The following DICER1 variants were observed in gnomAD, a reference collection of about 807,000 sequenced individuals.
DICER1 encodes dicer 1, ribonuclease III.
In DICER1, 43 loss-of-function variants were observed where a neutral mutation model predicts 194.1. The observed-to-expected ratio is 0.22, with a 90% CI of 0.17 to 0.29. The LOEUF is 0.29. DICER1 is among the 10% of genes least tolerant of loss of function. The probability of loss-of-function intolerance (pLI) is 1.00; values close to 1 mark genes in which losing one functional copy is unlikely to be tolerated. For synonymous variants in DICER1, 832 were observed against 820.5 expected (o/e 1.01, Z -0.24); for missense variants, 1,608 against 2,317.0 (o/e 0.69, Z 6.28).
chr14:95,100,830 G>A (rs1250638412), intron 21 of DICER1, among the ~76,000 whole-genome samples: 2 of 152,300 alleles, frequency 1.3e-5, no homozygotes, highest in African/African-American at 2.4e-5. Flanking sequence ...CTGAGGGAAC[G>A]ATGGCAGCAG....
chr14:95,115,028 A>G lies in DICER1; in HGVS notation c.1907+639T>C, dbSNP rs535673256. On this transcript the variant is annotated intron_variant, in intron 11 of 26. Coordinates refer to ENST00000343455, the MANE Select transcript of DICER1 (RefSeq NM_177438.3). ...TGACTCTAAGGTAGATACTTTGGCT[A>G]CAAAGAACATTCTCATGAAACTGAA... Among the ~76,000 whole-genome samples the G allele has an allele frequency of 3.3e-5, 5 of 152,352 alleles. No individual in the cohort carries two copies. In the South Asian group the frequency reaches 8.3e-4, roughly 25 times the overall value.
At chr14:95,114,372 GATA>G (rs1892248891) in intron 11 of DICER1, among the ~76,000 whole-genome samples, 4 of 152,146 alleles carry the variant, frequency 2.6e-5, no homozygotes, top group South Asian at 2.1e-4. Flanking sequence ...AACAGTAAAT[GATA>G]ATGATAGATT....
At chr14:95,115,962 C>T in intron 10 of DICER1, 141 bp from the exon 11 acceptor site, 1 of 794,818 alleles carries the variant, frequency 1.3e-6, no homozygotes, top group East Asian at 2.7e-5. Context: ...AAGTAACCTG[C>T]TGCAGACACC....
intron 1 of DICER1, among the ~76,000 whole-genome samples, chr14:95,134,101 A>G (rs760462077): frequency 2.6e-5 from 4 of 152,176 alleles, no homozygotes; most frequent in Non-Finnish European, 5.9e-5. Context: ...AGATTTAGAC[A>G]CCTGCTAAAA....
intron 11 of DICER1, among the ~76,000 whole-genome samples, chr14:95,114,478 G>A (rs1021526606): frequency 2.6e-5 from 4 of 152,134 alleles, no homozygotes; most frequent in Non-Finnish European, 5.9e-5. Flanking sequence ...AGAAATGGAT[G>A]GTAGAATGCC....
chr14:95,105,595 G>A lies in DICER1; in HGVS notation c.3093+83C>T. On this transcript the variant is annotated intron_variant, in intron 19 of 26. Transcript: ENST00000343455. The surrounding 1 kb of genome is among the most constrained non-coding windows in gnomAD (Gnocchi z 4.9). ...ATTAACGAATCATGCATTTAACTTGGTAAGATAAAATTCAAACTTATCTTT... is the reference window on the plus strand; with the variant it reads ...ATTAACGAATCATGCATTTAACTTGATAAGATAAAATTCAAACTTATCTTT... 1 of 1,066,984 alleles carries A rather than the reference G, an allele frequency of 9.4e-7. No homozygotes were observed. The highest frequency in any genetic ancestry group is 1.9e-5 in the Admixed American group (1 of 52,768). The allele number at this position is 1,066,984 out of a possible 1,614,324, so 66.1% of individuals were successfully genotyped here.
At chr14:95,115,885 T>C in intron 10 of DICER1, 64 bp from the exon 11 acceptor site, 1 of 1,542,254 alleles carries the variant, frequency 6.5e-7, no homozygotes, top group African/African-American at 1.4e-5. Context: ...GCTGTCTGCC[T>C]CTGTACCTAC....
At chr14:95,153,765 A>C (rs1461000371) in intron 1 of DICER1, among the ~76,000 whole-genome samples, 1 of 152,240 alleles carries the variant, frequency 6.6e-6, no homozygotes, top group African/African-American at 2.4e-5. Flanking sequence ...CTCAAAATAG[A>C]CATCATAAAC....
chr14:95,096,082 T>A lies in DICER1; in HGVS notation c.4838A>T (p.Gln1613Leu), dbSNP rs775024028. The change falls in exon 23 of 27, where the codon CAA becomes CTA. Residue 1613 changes from glutamine (Q) to leucine (L), a missense_variant. This residue lies in a region of DICER1 where 125 missense variants were observed against 134.9 expected (regional missense o/e 0.93). Transcript: ENST00000343455. Reference sequence around the variant, plus strand: ...ACAGCTCACTGAAAGGTTCTTTTGTTGGCTGTTGAAATTCTCCCGAGTAGG... The same window carrying A: ...ACAGCTCACTGAAAGGTTCTTTTGTAGGCTGTTGAAATTCTCCCGAGTAGG... ...LCPTRENFNS[Q>L]QKNLSVSCAA... 12 of 1,614,236 alleles carry A rather than the reference T, an allele frequency of 7.4e-6. No individual in the cohort carries two copies. Among genetic ancestry groups the A allele is most frequent in the Non-Finnish European group, 9.3e-6 (11 of 1,180,040 alleles).
intron 21 of DICER1, 122 bp from the exon 22 acceptor site, chr14:95,100,057 A>C (rs1890742432): frequency 9.4e-7 from 1 of 1,069,484 alleles, no homozygotes; most frequent in South Asian, 1.5e-5. Context: ...TATGTCATCA[A>C]TTAATTATAA....
chr14:95,146,503 G>A (rs892179950), intron 1 of DICER1, among the ~76,000 whole-genome samples: 20 of 152,150 alleles, frequency 1.3e-4, no homozygotes, highest in Admixed American at 1.2e-3. Flanking sequence ...AACCACCCCC[G>A]CATCCCCTTT....
In DICER1 at chr14:95,117,766, A is replaced by G. The variant is rs999852473; in HGVS notation, c.1377-12T>C. 6.2e-7 allele frequency: 1 copy of G among 1,613,546 alleles called. No homozygotes were observed. The highest frequency in any genetic ancestry group is 8.5e-7 in the Non-Finnish European group (1 of 1,179,570). On this transcript the variant is annotated splice_polypyrimidine_tract_variant and intron_variant, in intron 8 of 26. Coordinates refer to ENST00000343455, the MANE Select transcript of DICER1 (RefSeq NM_177438.3). The stretch of plus-strand genomic sequence containing the variant: ...CTTCCTTTATCAATCTAAGAAAATT[A>G]TACACATTTGGAAGTTAAACGTTGC...
chr14:95,086,591 A>C lies in DICER1; in HGVS notation c.*3907T>G, dbSNP rs1236402991. The stretch of plus-strand genomic sequence containing the variant: ...TTGTCTGTGGTTGATGTCCAAATAA[A>C]AATGGACTAGAAAAAAAGAAGTAAT... On this transcript the variant is annotated 3_prime_UTR_variant, in exon 27 of 27. Coordinates refer to ENST00000343455, the MANE Select transcript of DICER1 (RefSeq NM_177438.3). 1 of 233,370 alleles carries C rather than the reference A, an allele frequency of 4.3e-6. No homozygotes were observed. Among genetic ancestry groups the C allele is most frequent in the East Asian group, 6.1e-5 (1 of 16,454 alleles). The allele number at this position is 233,370 out of a possible 1,614,324, so 14.5% of individuals were successfully genotyped here.
chr14:95,121,874 T>C (rs1175005717), intron 8 of DICER1, among the ~76,000 whole-genome samples: 1 of 152,166 alleles, frequency 6.6e-6, no homozygotes, highest in East Asian at 1.9e-4. Flanking sequence ...CTACACTACA[T>C]ATAGAAGTGG....
Position 95,117,846 on chromosome 14 carries a change from A to AT in DICER1, c.1377-93dup, listed in dbSNP as rs57468004. The AT allele has an allele frequency of 2.1e-3, 2,698 of 1,290,556 alleles. 44 individuals are homozygous for AT. The African/African-American group carries it at 0.036, about 17-fold the overall frequency. 79.9% of individuals were successfully genotyped at this position (1,290,556 alleles called of 1,614,324 possible). A position where few individuals can be genotyped will look rare whatever the true frequency, so the allele number is the denominator to read the frequency against. ...CCTCCTTTAAAATGGAAGTACATGC[A>AT]TTTTTTGCAAACATACCTAACAAAA... On this transcript the variant is annotated intron_variant, in intron 8 of 26. Coordinates refer to ENST00000343455, the MANE Select transcript of DICER1 (RefSeq NM_177438.3).
intron 8 of DICER1, among the ~76,000 whole-genome samples, chr14:95,122,222 C>T (rs953441089): frequency 5.9e-5 from 9 of 152,170 alleles, no homozygotes; most frequent in African/African-American, 2.2e-4. Context: ...CTGGATAAAC[C>T]TTTTCAGGCT....
intron 1 of DICER1, among the ~76,000 whole-genome samples, chr14:95,153,524 A>C (rs1895652073): frequency 6.6e-6 from 1 of 152,206 alleles, no homozygotes; most frequent in Non-Finnish European, 1.5e-5. Context: ...TATATTGCTA[A>C]TGTTATTTAA....
At chr14:95,112,960 C>A in intron 12 of DICER1, 132 bp downstream of exon 12, 2 of 963,166 alleles carry the variant, frequency 2.1e-6, no homozygotes, top group Non-Finnish European at 3.2e-6. Context: ...GGTCTGTCAA[C>A]ACAAGGCTCC....
At chr14:95,104,990 A>G (rs1378021943) in intron 20 of DICER1, 81 bp downstream of exon 20, 2 of 1,340,432 alleles carry the variant, frequency 1.5e-6, no homozygotes, top group African/African-American at 2.9e-5. Context: ...ATTATTTTAT[A>G]TACAATTTTA....
Sources: allele counts gnomAD v4.1 joint callset (sites outside exome capture counted in the v4.1 genomes callset), GRCh38; gene constraint gnomAD v4.1.1; regional missense constraint gnomAD v4.1.1; non-coding constraint Gnocchi (gnomAD v3.1); transcripts MANE v1.5; gene names NCBI Gene and HGNC (gene_info 2026-07-23, HGNC 2026-07-21).